Variants in CNIH3 observed in about 807,000 individuals in gnomAD.
CNIH3 encodes the protein cornichon family AMPA receptor auxiliary protein 3, also known as protein cornichon homolog 3.
Under a neutral mutation model 24.1 loss-of-function variants are expected in CNIH3, and 14 were observed. The observed-to-expected ratio is 0.58, with a 90% confidence interval of 0.38 to 0.91. The LOEUF is 0.91. CNIH3 is among the 40% of genes least tolerant of loss of function. The pLI is 0.00. For missense variants in CNIH3, 178 were observed against 196.8 expected, an observed-to-expected ratio of 0.90 and a Z score of 0.57; for synonymous variants, 68 against 73.8, an observed-to-expected ratio of 0.92 and a Z score of 0.40.
chr1:224,647,491 G>A (rs1684666483), intron 1 of CNIH3, among the ~76,000 whole-genome samples: 1 of 152,208 alleles, frequency 6.6e-6, no homozygotes, highest in Non-Finnish European at 1.5e-5. Flanking sequence ...CTGGGGATGG[G>A]CAGAAGCTGG....
chr1:224,558,424 T>C (rs1303007486), intron 3 of CNIH3, among the ~76,000 whole-genome samples: 1 of 152,022 alleles, frequency 6.6e-6, no homozygotes, highest in Non-Finnish European at 1.5e-5. Context: ...TGGGGAACGA[T>C]GGAATACCAA....
At chr1:224,664,178 G>T (rs750996140) in intron 1 of CNIH3, among the ~76,000 whole-genome samples, 5 of 152,202 alleles carry the variant, frequency 3.3e-5, no homozygotes, top group Non-Finnish European at 4.4e-5. Context: ...GAGGTATGGA[G>T]CAATCATGAT....
At chr1:224,638,634 T>A (rs1684207850) in intron 1 of CNIH3, among the ~76,000 whole-genome samples, 1 of 152,170 alleles carries the variant, frequency 6.6e-6, no homozygotes, top group South Asian at 2.1e-4. Flanking sequence ...ATGTTATCTC[T>A]CAGGAAGGCT....
downstream of CNIH3, chr1:224,537,467 T>C (rs1412824243): frequency 6.6e-6 from 1 of 152,264 alleles, no homozygotes; most frequent in Admixed American, 6.5e-5. Flanking sequence ...TACCTACCTG[T>C]GATCTGGAAG....
At chr1:224,708,390 G>A (rs1001407103) in intron 3 of CNIH3, among the ~76,000 whole-genome samples, 8 of 151,866 alleles carry the variant, frequency 5.3e-5, no homozygotes, top group Admixed American at 4.6e-4. Context: ...AACACATTTC[G>A]TCTTCCTTGT....
At chr1:224,481,912 G>A (rs1470387843) in intron 1 of CNIH3, among the ~76,000 whole-genome samples, 2 of 152,162 alleles carry the variant, frequency 1.3e-5, no homozygotes, top group Admixed American at 6.5e-5. Context: ...AATCTACCTG[G>A]TGCTCTATTC....
intron 1 of CNIH3, among the ~76,000 whole-genome samples, chr1:224,648,948 G>A (rs1033626127): frequency 6.6e-6 from 1 of 152,168 alleles, no homozygotes; most frequent in Non-Finnish European, 1.5e-5. Context: ...GAGTTGTGAA[G>A]AATCTACCAC....
upstream of CNIH3, among the ~76,000 whole-genome samples, chr1:224,512,043 C>T (rs1465141899): frequency 2.0e-5 from 3 of 151,976 alleles, no homozygotes; most frequent in Admixed American, 6.5e-5. Flanking sequence ...GGCGTGGTGG[C>T]GCATGCCTGT....
chr1:224,737,672 C>T (rs760451795), intron 5 of CNIH3, among the ~76,000 whole-genome samples: 10 of 152,218 alleles, frequency 6.6e-5, no homozygotes, highest in East Asian at 1.9e-4. Flanking sequence ...GCGGGGAAGA[C>T]GGGGTTGATA....
At chr1:224,650,767 C>A (rs1454672020) in intron 1 of CNIH3, among the ~76,000 whole-genome samples, 1 of 152,132 alleles carries the variant, frequency 6.6e-6, no homozygotes, top group Admixed American at 6.6e-5. Flanking sequence ...AGGAAAGATT[C>A]ATCAGAACCC....
intron 5 of CNIH3, among the ~76,000 whole-genome samples, chr1:224,586,440 A>G (rs1317183609): frequency 6.6e-6 from 1 of 152,164 alleles, no homozygotes; most frequent in Non-Finnish European, 1.5e-5. Flanking sequence ...CAGCATGGGA[A>G]AGACCTGCCC....
At position 224,528,458 on chromosome 1, in the gene CNIH3, C is replaced by T. The variant is rs73131702; in HGVS notation, n.343+7131C>T. Among the ~76,000 whole-genome samples the T allele has an allele frequency of 2.5e-3, 380 of 152,142 alleles. 2 individuals carry two copies. The highest frequency in any genetic ancestry group is 8.2e-3 in the African/African-American group (341 of 41,508). On this transcript the variant is annotated intron_variant and non_coding_transcript_variant, in intron 2 of 2. Transcript: ENST00000470602. ...CCCTTAGCCACCTGAGTAGCTGGTA[C>T]CATGGTGGGCATCACCACACCTAGA... is the stretch of plus-strand genomic sequence containing the variant.
rs185196278 is a variant in CNIH3, at chr1:224,735,378, G to C, written c.455+672G>C. Among the ~76,000 whole-genome samples, 31 of 152,312 alleles carry C rather than the reference G, an allele frequency of 2.0e-4. No homozygotes were observed. The East Asian group carries it at 6.0e-3, about 29-fold the overall frequency. ...CTGTCTTGTGGTTTGACACCACAGA[G>C]AGTGCCTTTTCCGCAAATGTCTCCT... is the stretch of plus-strand genomic sequence containing the variant. On this transcript the variant is annotated intron_variant, in intron 5 of 5. Coordinates refer to ENST00000272133, the MANE Select transcript of CNIH3 (RefSeq NM_152495.2).
At position 224,442,548 on chromosome 1, in the gene CNIH3, C is replaced by CT. The variant is rs563721182; in HGVS notation, n.203+7694dup. Among the ~76,000 whole-genome samples the CT allele has an allele frequency of 3.1e-3, 471 of 152,050 alleles. 1 individual carries two copies. Among genetic ancestry groups the CT allele is most frequent in the African/African-American group, 0.011 (436 of 41,472 alleles). On this transcript the variant is annotated intron_variant and non_coding_transcript_variant, in intron 1 of 5. Coordinates refer to the CNIH3 transcript ENST00000471578. ...AGTGCCCAGTTGTTCCATTCTTAGC[C>CT]TTTTTTTTCCCTGTGATGGCGCATG...
At chr1:224,498,537 C>G (rs1219266118) in intron 1 of CNIH3, among the ~76,000 whole-genome samples, 1 of 152,162 alleles carries the variant, frequency 6.6e-6, no homozygotes, top group Admixed American at 6.5e-5. Flanking sequence ...TGCAGATAAA[C>G]TATGTTGGTA....
chr1:224,479,106 C>T (rs1194800985), intron 1 of CNIH3, among the ~76,000 whole-genome samples: 3 of 150,426 alleles, frequency 2.0e-5, no homozygotes, highest in Non-Finnish European at 4.4e-5. Flanking sequence ...TTTTCACATT[C>T]CCAAACCAAT....
chr1:224,556,059 ATGT>A (rs1316520474), intron 3 of CNIH3, among the ~76,000 whole-genome samples: 1 of 152,064 alleles, frequency 6.6e-6, no homozygotes, highest in Non-Finnish European at 1.5e-5. Context: ...TGGTATATTG[ATGT>A]TGTCTCAAAG....
At chr1:224,667,693 C>T (rs572461980) in intron 1 of CNIH3, among the ~76,000 whole-genome samples, 4 of 151,332 alleles carry the variant, frequency 2.6e-5, no homozygotes, top group Admixed American at 1.3e-4. Context: ...AGAGAATCCG[C>T]GGCTCTGCTG....
intron 3 of CNIH3, among the ~76,000 whole-genome samples, chr1:224,608,738 G>C (rs527706644): frequency 7.2e-4 from 109 of 152,278 alleles, no homozygotes; most frequent in Non-Finnish European, 1.3e-3. Context: ...TATGAGGGGT[G>C]GTCTCCTCCC....
Sources: allele counts gnomAD v4.1 joint callset (sites outside exome capture counted in the v4.1 genomes callset), GRCh38; gene constraint gnomAD v4.1.1; transcripts MANE v1.5; gene names NCBI Gene and HGNC (gene_info 2026-07-23, HGNC 2026-07-21).